The following EPB41L3 variants were observed in gnomAD, a reference collection of about 807,000 sequenced individuals.
EPB41L3 encodes the protein erythrocyte membrane protein band 4.1 like 3.
A neutral mutation model predicts 127.1 loss-of-function variants in EPB41L3; 57 were observed. That is an observed-to-expected ratio of 0.45 (90% CI 0.36 to 0.56). The LOEUF (loss-of-function observed/expected upper bound fraction) is 0.56, where lower values mean the gene tolerates loss of function less well. EPB41L3 is among the 20% of genes least tolerant of loss of function. EPB41L3 has a pLI of 0.00. For missense variants in EPB41L3, 1,273 were observed against 1,372.2 expected (o/e 0.93, Z 1.14); for synonymous variants, 572 against 549.5 (o/e 1.04, Z -0.57).
chr18:5,548,905 A>G (rs1039678424), upstream of EPB41L3, among the ~76,000 whole-genome samples: 1 of 152,208 alleles, frequency 6.6e-6, no homozygotes, highest in Non-Finnish European at 1.5e-5. Flanking sequence ...TTATATGCTA[A>G]GACACTTAAC....
intron 3 of EPB41L3, chr18:5,570,907 C>T (rs1340626894): frequency 1.3e-5 from 2 of 152,220 alleles, no homozygotes; most frequent in Non-Finnish European, 2.9e-5. Context: ...TTCCATCTAA[C>T]TTTGTAATCT....
intron 3 of EPB41L3, among the ~76,000 whole-genome samples, chr18:5,586,006 G>C (rs2094438827): frequency 1.3e-5 from 2 of 152,130 alleles, no homozygotes; most frequent in African/African-American, 2.4e-5. Context: ...TTCAGCCCTA[G>C]GGGCAGTAAC....
intron 1 of EPB41L3, among the ~76,000 whole-genome samples, chr18:5,531,224 C>T (rs2093401780): frequency 6.6e-6 from 1 of 152,198 alleles, no homozygotes; most frequent in Admixed American, 6.5e-5. Flanking sequence ...AGTCAAATCA[C>T]AAATTCAAGC....
chr18:5,596,370 T>C (rs2094537140), intron 3 of EPB41L3, among the ~76,000 whole-genome samples: 1 of 152,176 alleles, frequency 6.6e-6, no homozygotes, highest in South Asian at 2.1e-4. Context: ...ACCACTTATC[T>C]AACCTTATTT....
At chr18:5,598,089 C>T (rs892149617) in intron 3 of EPB41L3, among the ~76,000 whole-genome samples, 44 of 152,148 alleles carry the variant, frequency 2.9e-4, no homozygotes, top group African/African-American at 9.7e-4. Flanking sequence ...CTTACTTATA[C>T]CAGCAGTTCT....
At chr18:5,591,720 G>A (rs1307328288) in intron 3 of EPB41L3, among the ~76,000 whole-genome samples, 1 of 152,154 alleles carries the variant, frequency 6.6e-6, no homozygotes, top group African/African-American at 2.4e-5. Context: ...AAACATATGA[G>A]AATCTCACTT....
chr18:5,398,626 G>A (rs557184170), intron 16 of EPB41L3: 2 of 402,008 alleles, frequency 5.0e-6, no homozygotes, highest in Non-Finnish European at 8.8e-6. Context: ...TGCAAACTGT[G>A]GCCCCAATGA....
intron 6 of EPB41L3, among the ~76,000 whole-genome samples, chr18:5,437,803 C>A (rs1023677257): frequency 6.6e-6 from 1 of 152,092 alleles, no homozygotes; most frequent in African/African-American, 2.4e-5. Context: ...GCAAGTTTTC[C>A]CACCAGGGTC....
At chr18:5,550,289 G>A (rs548290052) in intron 3 of EPB41L3, among the ~76,000 whole-genome samples, 1 of 152,284 alleles carries the variant, frequency 6.6e-6, no homozygotes, top group African/African-American at 2.4e-5. Context: ...GTAAAACTTA[G>A]TGAACCAAAT....
intron 3 of EPB41L3, among the ~76,000 whole-genome samples, chr18:5,464,290 C>T (rs145174246): frequency 1.1e-4 from 17 of 152,284 alleles, no homozygotes; most frequent in African/African-American, 4.1e-4. Context: ...TATCTACCTG[C>T]CACAAGGTGA....
chr18:5,540,596 A>G, intron 1 of EPB41L3: 1 of 970,612 alleles, frequency 1.0e-6, no homozygotes. Context: ...TGAATTCCCA[A>G]CAAATCAGCA....
intron 1 of EPB41L3, among the ~76,000 whole-genome samples, chr18:5,507,252 G>T (rs2092268570): frequency 6.6e-6 from 1 of 151,938 alleles, no homozygotes; most frequent in Non-Finnish European, 1.5e-5. Context: ...CACATACAGA[G>T]CAATCAATCG....
At chr18:5,427,584 A>G (rs1438145380) in intron 9 of EPB41L3, among the ~76,000 whole-genome samples, 1 of 152,218 alleles carries the variant, frequency 6.6e-6, no homozygotes, top group Non-Finnish European at 1.5e-5. Flanking sequence ...CTTTGTTCTA[A>G]TATTCCTTGT....
intron 14 of EPB41L3, among the ~76,000 whole-genome samples, chr18:5,408,377 A>G (rs1446815394): frequency 2.7e-5 from 4 of 150,326 alleles, no homozygotes. Context: ...GGGTTCAAGC[A>G]ATTCTCCTGC....
intron 5 of EPB41L3, 124 bp from the exon 6 acceptor site, chr18:5,438,234 T>C (rs932574891): frequency 1.4e-6 from 1 of 705,108 alleles, no homozygotes. Context: ...AATGGAAAAC[T>C]GGGAAACCTT....
intron 2 of EPB41L3, among the ~76,000 whole-genome samples, chr18:5,479,365 C>G (rs2087936419): frequency 6.6e-6 from 1 of 152,358 alleles, no homozygotes; most frequent in Non-Finnish European, 1.5e-5. Flanking sequence ...TTGAAATAAG[C>G]ATGGCATTTC....
intron 12 of EPB41L3, among the ~76,000 whole-genome samples, chr18:5,416,887 C>T (rs995160096): frequency 1.3e-5 from 2 of 151,986 alleles, no homozygotes; most frequent in Admixed American, 1.3e-4. Context: ...TTAGTCCTTT[C>T]CCTGGTTATT....
intron 1 of EPB41L3, among the ~76,000 whole-genome samples, chr18:5,533,981 A>G (rs530525710): frequency 1.3e-5 from 2 of 152,084 alleles, no homozygotes; most frequent in African/African-American, 2.4e-5. Context: ...TGGCTAACAC[A>G]GTGAAACCCC....
upstream of EPB41L3, among the ~76,000 whole-genome samples, chr18:5,630,109 G>A (rs1000857701): frequency 7.2e-5 from 11 of 152,102 alleles, no homozygotes; most frequent in African/African-American, 1.7e-4. Flanking sequence ...GGTCGATCCC[G>A]GTCAGCTTAA....
Sources: allele counts gnomAD v4.1 joint callset (sites outside exome capture counted in the v4.1 genomes callset), GRCh38; gene constraint gnomAD v4.1.1; transcripts MANE v1.5; gene names NCBI Gene and HGNC (gene_info 2026-07-23, HGNC 2026-07-21).